The following ARHGAP9 variants were observed in gnomAD, a reference collection of about 807,000 sequenced individuals.
ARHGAP9 encodes rho GTPase-activating protein 9.
Under a neutral mutation model 87.3 loss-of-function variants are expected in ARHGAP9, and 76 were observed. That is an observed-to-expected ratio of 0.87 (90% CI 0.72 to 1.05). The LOEUF (loss-of-function observed/expected upper bound fraction) is 1.05, where lower values mean the gene tolerates loss of function less well. Among genes scored for constraint, ARHGAP9 ranks in the 50% least tolerant of loss-of-function variants. The pLI, the probability that ARHGAP9 is intolerant of heterozygous loss-of-function variation, is 0.00. For missense variants in ARHGAP9, 941 were observed against 960.5 expected (o/e 0.98, Z 0.27); for synonymous variants, 382 against 394.9 (o/e 0.97, Z 0.39).
chr12:57,478,685 T>C lies in ARHGAP9; in HGVS notation c.389A>G (p.Glu130Gly). ...TTTGCGGGGAAGTGGAGGAGGCTGC[T>C]CCGAGCTAGCCTGAGCCCTGCTTGG... Reference protein sequence around the residue: ...ALPSRAQASSEQPPPLPRKMC... With the variant: ...ALPSRAQASSGQPPPLPRKMC... The change falls in exon 3 of 18, where the codon GAG (glutamate) becomes GGG (glycine). Residue 130 changes from glutamate (E) to glycine (G), a missense_variant. By Grantham distance (98) the Glu-to-Gly change is moderately conservative. Transcript: ENST00000393791. 6.2e-7 allele frequency: 1 copy of C among 1,614,076 alleles called. No individual in the cohort carries two copies. Among genetic ancestry groups the C allele is most frequent in the Non-Finnish European group, 8.5e-7 (1 of 1,180,018 alleles).
At chr12:57,488,605 T>A in intron 1 of ARHGAP9, 5 of 1,551,118 alleles carry the variant, frequency 3.2e-6, no homozygotes, top group Non-Finnish European at 3.5e-6. Context: ...CGTTCCTTTC[T>A]GTTTACCTCT....
chr12:57,483,997 T>C (rs1477621044), upstream of ARHGAP9: 2 of 403,340 alleles, frequency 5.0e-6, no homozygotes, highest in African/African-American at 2.4e-5. Context: ...GCTGAGATCA[T>C]GCCACTGCAC....
chr12:57,476,511 G>A (rs1873741909), intron 7 of ARHGAP9, 57 bp from the exon 8 acceptor site: 1 of 1,612,176 alleles, frequency 6.2e-7, no homozygotes, highest in African/African-American at 1.3e-5. Context: ...AGAATGACAC[G>A]AGGAGGGTGC....
At chr12:57,481,353 T>G (rs1311276866), upstream of ARHGAP9, among the ~76,000 whole-genome samples, 1 of 152,074 alleles carries the variant, frequency 6.6e-6, no homozygotes, top group East Asian at 1.9e-4. Flanking sequence ...CAGGTTTAAG[T>G]GATTCTCCTG....
At chr12:57,474,512 C>T (rs1337867704) in intron 14 of ARHGAP9, 36 bp from the exon 15 acceptor site, 1 of 1,614,002 alleles carries the variant, frequency 6.2e-7, no homozygotes, top group South Asian at 1.1e-5. Context: ...GGAGCTAAGA[C>T]ATACACTTCC....
rs1187880216 is a variant in ARHGAP9 at position 57,475,293 on chromosome 12, C to G, written c.1550G>C (p.Arg517Pro). Residue 517 changes from arginine (R) to proline (P), a missense_variant and splice_region_variant, in exon 12 of 18, where the codon CGA (arginine) becomes CCA (proline). By Grantham distance (103) the Arg-to-Pro change is moderately radical. Coordinates refer to ENST00000393791, the MANE Select transcript of ARHGAP9 (RefSeq NM_032496.4). ...TGAACCTGGCCCAGCCCCCTCACCT[C>G]GGAGCAGACCCCGCTCCTGCAGGCT... ...LQSLQERGLL[R>P]DQVFGCQLES... 6.3e-7 allele frequency: 1 copy of G among 1,587,522 alleles called. No individual in the cohort carries two copies. Among genetic ancestry groups the G allele is most frequent in the Non-Finnish European group, 8.6e-7 (1 of 1,166,012 alleles).
chr12:57,480,668 T>C, upstream of ARHGAP9: 1 of 1,003,248 alleles, frequency 1.0e-6, no homozygotes, highest in South Asian at 1.4e-5. Context: ...TGCAAGACGC[T>C]ATGACAGGTA....
chr12:57,475,896 C>A lies in ARHGAP9; in HGVS notation c.1248G>T (p.Gln416His). The change falls in exon 10 of 18, where the codon CAG becomes CAT. Residue 416 changes from glutamine (Q) to histidine (H), a missense_variant. Transcript: ENST00000393791. ...CTCGCAGCTCTGTCTCGTGGTCCGA[C>A]TGCAGCAGGAACTCGTGGCCAGGGA... is the stretch of plus-strand genomic sequence containing the variant. ...RTIPGHEFLL[Q>H]SDHETELRAW... The A allele has an allele frequency of 2.5e-6, 4 of 1,613,824 alleles. No homozygotes were observed. Among genetic ancestry groups the A allele is most frequent in the Non-Finnish European group, 3.4e-6 (4 of 1,179,878 alleles).
At chr12:57,488,147 C>G in intron 1 of ARHGAP9, 1 of 1,614,106 alleles carries the variant, frequency 6.2e-7, no homozygotes, top group Non-Finnish European at 8.5e-7. Flanking sequence ...TGGCCGCCGC[C>G]GGGAGAGCCC....
rs1295036697 is a variant in ARHGAP9, at chr12:57,476,093, G to C, written c.1190C>G (p.Ser397Cys). Reference protein sequence around the residue: ...GAALAHGRHLSSRRNVLHIRT... With the variant: ...GAALAHGRHLCSRRNVLHIRT... ...CACGTGCAGGACGTTGCGGCGGCTG[G>C]ACAGGTGGCGGCCGTGCGCCAGGGC... is the stretch of plus-strand genomic sequence containing the variant. The change falls in exon 9 of 18, where the codon TCC becomes TGC. Residue 397 changes from serine (S) to cysteine (C), a missense_variant. Physicochemically the swap from Ser to Cys is moderately radical, Grantham distance 112 (BLOSUM62 -1). Coordinates refer to ENST00000393791, the MANE Select transcript of ARHGAP9 (RefSeq NM_032496.4). 2.0e-6 allele frequency: 3 copies of C among 1,538,266 alleles called. No homozygotes were observed. Among genetic ancestry groups the C allele is most frequent in the African/African-American group, 2.7e-5 (2 of 72,832 alleles).
intron 1 of ARHGAP9, chr12:57,488,463 G>A: frequency 8.8e-7 from 1 of 1,134,550 alleles, no homozygotes; most frequent in Non-Finnish European, 1.3e-6. Context: ...CCAGTAAACT[G>A]CTCTTCCCTT....
At chr12:57,477,946 G>C in intron 3 of ARHGAP9, 1 of 1,267,314 alleles carries the variant, frequency 7.9e-7, no homozygotes, top group South Asian at 1.5e-5. Flanking sequence ...AGGGCCACAG[G>C]AAAGGGGAAC....
At chr12:57,478,937 G>A (rs542278) in intron 2 of ARHGAP9, among the ~76,000 whole-genome samples, 154 bp downstream of exon 2, 23,839 of 152,064 alleles carry the variant, frequency 0.16, 1,995 homozygotes, top group East Asian at 0.27. Flanking sequence ...ATGCCATGGC[G>A]GGGGCAAGAG....
chr12:57,479,340 G>A lies in ARHGAP9; in HGVS notation c.67C>T (p.Arg23Trp), dbSNP rs570222222. Residue 23 changes from arginine (R) to tryptophan (W), a missense_variant, in exon 2 of 18, where the codon CGG (arginine) becomes TGG (tryptophan). Coordinates refer to ENST00000393791, the MANE Select transcript of ARHGAP9 (RefSeq NM_032496.4). ...ILGLGPRSPPRGSQLCALYAF... is the reference protein window; with the variant it reads ...ILGLGPRSPPWGSQLCALYAF... ...TAGAGGGCACAGAGCTGGGATCCCC[G>A]AGGAGGGCTTCGGGGGCCCAGCCCT... The A allele has an allele frequency of 7.4e-6, 12 of 1,614,162 alleles. No individual in the cohort carries two copies. Among genetic ancestry groups the A allele is most frequent in the South Asian group, 3.3e-5 (3 of 91,086 alleles).
At position 57,477,551 on chromosome 12, in the gene ARHGAP9, G is replaced by A; in HGVS notation, c.664C>T (p.His222Tyr). 4 of 1,613,864 alleles carry A rather than the reference G, an allele frequency of 2.5e-6. No homozygotes were observed. The highest frequency in any genetic ancestry group is 3.4e-6 in the Non-Finnish European group (4 of 1,179,924). Residue 222 changes from histidine (H) to tyrosine (Y), a missense_variant, in exon 4 of 18, where the codon CAC (histidine) becomes TAC (tyrosine). His to Tyr is a moderately conservative substitution (Grantham distance 83). Coordinates refer to ENST00000393791, the MANE Select transcript of ARHGAP9 (RefSeq NM_032496.4). ...CAGCGTCCAGAGTTGGGGTCCAGGT[G>A]CTGCTCCCAGGCATCCAGCCTCTGC... The part of the protein sequence containing the change: ...LLQRLDAWEQ[H>Y]LDPNSGRCFY...
upstream of ARHGAP9, chr12:57,480,097 C>T (rs1001360881): frequency 6.1e-6 from 6 of 985,174 alleles, no homozygotes; most frequent in Admixed American, 6.2e-5. Context: ...ATCCAGGACA[C>T]GATTTTGGGA....
Position 57,479,816 on chromosome 12 carries a change from G to A in ARHGAP9, c.-105C>T. On this transcript the variant is annotated 5_prime_UTR_variant, in exon 1 of 18. Transcript: ENST00000393791. ...TGAGGTGGACACAGGAAGGAGATAA[G>A]AAGAAAGAATCAGGTTCAAGACAGA... The A allele has an allele frequency of 1.3e-6, 2 of 1,529,600 alleles. No homozygotes were observed. The highest frequency in any genetic ancestry group is 1.8e-6 in the Non-Finnish European group (2 of 1,136,738). 94.8% of individuals were successfully genotyped at this position (1,529,600 alleles called of 1,614,324 possible).
Position 57,479,347 on chromosome 12 carries a change from G to T in ARHGAP9, c.60C>A (p.Ser20Arg). Reference protein sequence around the residue: ...SWGILGLGPRSPPRGSQLCAL... With the variant: ...SWGILGLGPRRPPRGSQLCAL... The stretch of plus-strand genomic sequence containing the variant: ...CACAGAGCTGGGATCCCCGAGGAGG[G>T]CTTCGGGGGCCCAGCCCTAGGATCC... Residue 20 changes from serine (S) to arginine (R), a missense_variant, in exon 2 of 18, where the codon AGC becomes AGA. Coordinates refer to ENST00000393791, the MANE Select transcript of ARHGAP9 (RefSeq NM_032496.4). 2.5e-6 allele frequency: 4 copies of T among 1,614,160 alleles called. No individual in the cohort carries two copies. Among genetic ancestry groups the T allele is most frequent in the Non-Finnish European group, 3.4e-6 (4 of 1,180,028 alleles).
At chr12:57,476,212 C>T (rs1356581174) in intron 8 of ARHGAP9, 46 bp from the exon 9 acceptor site, 1 of 1,507,622 alleles carries the variant, frequency 6.6e-7, no homozygotes, top group Non-Finnish European at 8.9e-7. Flanking sequence ...GTTTCCTTCA[C>T]TGCTTCCCTC....
Sources: allele counts gnomAD v4.1 joint callset (sites outside exome capture counted in the v4.1 genomes callset), GRCh38; gene constraint gnomAD v4.1.1; transcripts MANE v1.5; gene names NCBI Gene and HGNC (gene_info 2026-07-23, HGNC 2026-07-21).